SIDT1: variants seen among roughly 807,000 people sequenced by gnomAD.
The protein encoded by SIDT1 is SID1 transmembrane family, member 1.
Under a neutral mutation model 107.5 loss-of-function variants are expected in SIDT1, and 101 were observed. The ratio of observed to expected loss-of-function variants is 0.94; its 90% CI spans 0.80 to 1.11. The LOEUF is 1.11. SIDT1 is among the 50% of genes least tolerant of loss of function. The pLI is 0.00. For missense variants in SIDT1, 1,076 were observed against 1,058.2 expected (o/e 1.02, Z -0.23); for synonymous variants, 395 against 398.2 (o/e 0.99, Z 0.10).
intron 1 of SIDT1, among the ~76,000 whole-genome samples, chr3:113,540,172 A>G (rs751653050): frequency 1.3e-5 from 2 of 152,158 alleles, no homozygotes; most frequent in Non-Finnish European, 2.9e-5. Flanking sequence ...GGGAGGTGCC[A>G]GGCTCTTTTG....
At chr3:113,615,673 T>C (rs1466335417) in intron 19 of SIDT1, among the ~76,000 whole-genome samples, 1 of 152,204 alleles carries the variant, frequency 6.6e-6, no homozygotes. Context: ...AAATAACAGA[T>C]CTGAATCTTT....
chr3:113,576,282 C>A (rs1410661393), intron 3 of SIDT1, among the ~76,000 whole-genome samples: 1 of 152,090 alleles, frequency 6.6e-6, no homozygotes, highest in Non-Finnish European at 1.5e-5. Flanking sequence ...TCATTATATT[C>A]TTTTGGTGGT....
Position 113,611,100 on chromosome 3 carries a change from T to C in SIDT1, c.1813T>C (p.Tyr605His). 2 of 1,614,154 alleles carry C rather than the reference T, an allele frequency of 1.2e-6. No homozygotes were observed. Among genetic ancestry groups the C allele is most frequent in the African/African-American group, 1.3e-5 (1 of 75,044 alleles). The part of the protein sequence containing the change: ...PDINASAYSA[Y>H]ASFAVVIMVT... ...CATCAATGCCAGCGCCTACTCTGCC[T>C]ATGCCTCCTTTGCTGTGGTCATCAT... is the stretch of plus-strand genomic sequence containing the variant. The change falls in exon 18 of 25, where the codon TAT becomes CAT. Residue 605 changes from tyrosine (Y) to histidine (H), a missense_variant. Transcript: ENST00000264852.
intron 12 of SIDT1, 73 bp from the exon 13 acceptor site, chr3:113,603,887 T>A (rs1231365678): frequency 2.2e-6 from 2 of 925,348 alleles, no homozygotes; most frequent in East Asian, 5.1e-5. Context: ...AGACATTTGT[T>A]ATGTTTGCCT....
At chr3:113,589,529 C>A (rs988298841) in intron 9 of SIDT1, among the ~76,000 whole-genome samples, 1 of 116,048 alleles carries the variant, frequency 8.6e-6, no homozygotes, top group African/African-American at 3.2e-5. Context: ...ACTTCTCTCC[C>A]TTTTTTTTTT....
At position 113,551,824 on chromosome 3, in the gene SIDT1, GGTGTGTGT is replaced by G. The variant is rs56860179; in HGVS notation, c.223-14573_223-14566del. Reference sequence around the variant, plus strand: ...TGGATCCCGGGGGTAAAGTTTTAGGGGTGTGTGTGTGTGTGTGTGTGTGTGTGTGTAGT... The same window carrying G: ...TGGATCCCGGGGGTAAAGTTTTAGGGGTGTGTGTGTGTGTGTGTGTGTAGT... On this transcript the variant is annotated intron_variant, in intron 1 of 24. Transcript: ENST00000264852. 2.6e-3 allele frequency among the ~76,000 whole-genome samples: 386 copies of G among 147,318 alleles called. 1 individual carries two copies. The highest frequency in any genetic ancestry group is 8.4e-3 in the African/African-American group (339 of 40,154).
At chr3:113,557,261 A>T (rs746695932) in intron 1 of SIDT1, among the ~76,000 whole-genome samples, 4 of 152,246 alleles carry the variant, frequency 2.6e-5, no homozygotes, top group Non-Finnish European at 4.4e-5. Context: ...AGTAAGGGAA[A>T]GGTAGAGTTT....
At chr3:113,582,459 T>C (rs959710734) in intron 6 of SIDT1, among the ~76,000 whole-genome samples, 2 of 152,248 alleles carry the variant, frequency 1.3e-5, no homozygotes, top group African/African-American at 4.8e-5. Context: ...ATATCTGCTC[T>C]TGTTTTTCAG....
intron 1 of SIDT1, among the ~76,000 whole-genome samples, chr3:113,544,974 G>C (rs1939412634): frequency 6.6e-6 from 1 of 151,918 alleles, no homozygotes; most frequent in South Asian, 2.1e-4. Flanking sequence ...CATTAGCTGG[G>C]CGTGGTGGCG....
intron 23 of SIDT1, 77 bp downstream of exon 23, chr3:113,623,810 T>C (rs934078213): frequency 8.6e-6 from 8 of 933,076 alleles, no homozygotes; most frequent in Non-Finnish European, 1.4e-5. Context: ...CTCCCTCTCT[T>C]AATGTGTTTT....
intron 1 of SIDT1, among the ~76,000 whole-genome samples, chr3:113,562,515 G>A (rs953262371): frequency 6.6e-6 from 1 of 152,206 alleles, no homozygotes; most frequent in Admixed American, 6.5e-5. Flanking sequence ...GTATGTGCAT[G>A]CAATGTAATA....
At chr3:113,537,269 G>T (rs1306732484) in intron 1 of SIDT1, among the ~76,000 whole-genome samples, 1 of 152,012 alleles carries the variant, frequency 6.6e-6, no homozygotes, top group Non-Finnish European at 1.5e-5. Context: ...ACTTTTCCAT[G>T]CCCAAGGAAC....
intron 1 of SIDT1, among the ~76,000 whole-genome samples, chr3:113,560,620 A>T (rs1051106888): frequency 2.0e-5 from 3 of 152,242 alleles, no homozygotes; most frequent in Non-Finnish European, 4.4e-5. Context: ...ATCAGCAGAT[A>T]CTGTTGTAGC....
chr3:113,581,870 T>C (rs1330625861), intron 6 of SIDT1: 1 of 159,036 alleles, frequency 6.3e-6, no homozygotes, highest in Non-Finnish European at 1.4e-5. Flanking sequence ...CAAAACTCCA[T>C]TGAAATCAAA....
chr3:113,542,351 T>C (rs977274858), intron 1 of SIDT1, among the ~76,000 whole-genome samples: 2 of 152,164 alleles, frequency 1.3e-5, no homozygotes, highest in African/African-American at 4.8e-5. Context: ...TTATCTTATT[T>C]AGGGATTCTC....
intron 10 of SIDT1, among the ~76,000 whole-genome samples, chr3:113,595,609 A>G (rs1944490993): frequency 6.6e-6 from 1 of 151,860 alleles, no homozygotes; most frequent in Non-Finnish European, 1.5e-5. Context: ...GACATTGCCA[A>G]ATGTCTTTTT....
In SIDT1 at chr3:113,532,993, C is replaced by T. The variant is rs920869980; in HGVS notation, c.-29C>T. ...GCTCGCCCCCTCCCCAGGGTGGCTC[C>T]GCTTTCGAGCCCGGGCGCGGTGCCC... On this transcript the variant is annotated 5_prime_UTR_variant, in exon 1 of 25. Coordinates refer to ENST00000264852, the MANE Select transcript of SIDT1 (RefSeq NM_017699.3). 2 of 1,333,746 alleles carry T rather than the reference C, an allele frequency of 1.5e-6. No individual in the cohort carries two copies. The highest frequency in any genetic ancestry group is 1.9e-6 in the Non-Finnish European group (2 of 1,045,108). The allele number at this position is 1,333,746 out of a possible 1,614,324, so 82.6% of individuals were successfully genotyped here. A position where few individuals can be genotyped will look rare whatever the true frequency, so the allele number is the denominator to read the frequency against.
intron 1 of SIDT1, among the ~76,000 whole-genome samples, chr3:113,565,744 C>T (rs1182492770): frequency 6.6e-6 from 1 of 152,074 alleles, no homozygotes; most frequent in Non-Finnish European, 1.5e-5. Context: ...GATTACTCAG[C>T]CCTGTGATGT....
intron 1 of SIDT1, among the ~76,000 whole-genome samples, chr3:113,555,326 A>T (rs1462939740): frequency 2.0e-5 from 3 of 152,214 alleles, no homozygotes; most frequent in African/African-American, 7.2e-5. Context: ...GCTCATTGGC[A>T]TCCTGTTTGC....
Sources: allele counts gnomAD v4.1 joint callset (sites outside exome capture counted in the v4.1 genomes callset), GRCh38; gene constraint gnomAD v4.1.1; transcripts MANE v1.5; gene names NCBI Gene and HGNC (gene_info 2026-07-23, HGNC 2026-07-21).